The following EXOC4 variants were observed in gnomAD, a reference collection of about 807,000 sequenced individuals.
EXOC4 encodes exocyst complex component 4, also known as SEC8-like 1.
In EXOC4, 71 loss-of-function variants were observed where a neutral mutation model predicts 107.2. That is an observed-to-expected ratio of 0.66 (90% CI 0.55 to 0.81). The LOEUF (loss-of-function observed/expected upper bound fraction) is 0.81. Ranked by LOEUF, EXOC4 falls within the 30% of genes least tolerant of loss-of-function variation. The probability of loss-of-function intolerance (pLI) is 0.00; values close to 1 mark genes in which losing one functional copy is unlikely to be tolerated. For missense variants in EXOC4, 1,108 were observed against 1,189.6 expected, an observed-to-expected ratio of 0.93 and a Z score of 1.01; for synonymous variants, 456 against 441.2, an observed-to-expected ratio of 1.03 and a Z score of -0.42.
chr7:133,843,621 T>G (rs1313898264), intron 11 of EXOC4, among the ~76,000 whole-genome samples: 2 of 152,206 alleles, frequency 1.3e-5, no homozygotes, highest in African/African-American at 2.4e-5. Flanking sequence ...ACAGGAATAG[T>G]TTGACTTCCT....
chr7:133,802,628 G>A (rs1796971951), intron 10 of EXOC4, among the ~76,000 whole-genome samples: 1 of 152,028 alleles, frequency 6.6e-6, no homozygotes, highest in Admixed American at 6.6e-5. Flanking sequence ...GGAGGCTGAG[G>A]CAGGCGGATC....
chr7:133,616,968 C>G (rs887327775), intron 9 of EXOC4, among the ~76,000 whole-genome samples: 1 of 152,028 alleles, frequency 6.6e-6, no homozygotes, highest in Non-Finnish European at 1.5e-5. Flanking sequence ...ATCTGGTTGC[C>G]TTATTTTATT....
rs534274731 is a variant in EXOC4 at position 133,710,997 on chromosome 7, A to G, written c.1514+80856A>G. 1.3e-3 allele frequency among the ~76,000 whole-genome samples: 199 copies of G among 152,262 alleles called. 7 individuals carry two copies. In the South Asian group the frequency reaches 0.039, roughly 30 times the overall value. On this transcript the variant is annotated intron_variant, in intron 10 of 17. Coordinates refer to ENST00000253861, the MANE Select transcript of EXOC4 (RefSeq NM_021807.4). ...TTTGAGCACAGTATTGGTAAAGTAG[A>G]GTTCAAGGGGTGAGAGATGTGATAC...
intron 10 of EXOC4, among the ~76,000 whole-genome samples, chr7:133,679,050 T>A (rs538093197): frequency 1.3e-5 from 2 of 152,296 alleles, no homozygotes; most frequent in South Asian, 4.1e-4. Flanking sequence ...TAACTTCTGT[T>A]TTGTTAAAAT....
intron 10 of EXOC4, among the ~76,000 whole-genome samples, chr7:133,637,129 G>A (rs1254922027): frequency 6.6e-6 from 1 of 152,296 alleles, no homozygotes; most frequent in East Asian, 1.9e-4. Context: ...ACCTGGAGGA[G>A]TGAAAGGCTC....
At chr7:133,591,811 G>A (rs1482564785) in intron 9 of EXOC4, among the ~76,000 whole-genome samples, 3 of 152,060 alleles carry the variant, frequency 2.0e-5, no homozygotes, top group Non-Finnish European at 4.4e-5. Flanking sequence ...TGTAGGTTGG[G>A]GAATCAATTA....
intron 10 of EXOC4, among the ~76,000 whole-genome samples, chr7:133,704,205 C>T (rs981744046): frequency 5.3e-5 from 8 of 152,208 alleles, no homozygotes; most frequent in African/African-American, 1.7e-4. Flanking sequence ...CTCCCGTCTT[C>T]TCCCAAAGTG....
chr7:133,750,396 T>A (rs10257034), intron 10 of EXOC4, among the ~76,000 whole-genome samples: 131,719 of 151,968 alleles, frequency 0.87, 57,674 homozygotes, highest in East Asian at 0.99. Flanking sequence ...TTTTATATGG[T>A]GTTCCCTAAT....
intron 7 of EXOC4, among the ~76,000 whole-genome samples, chr7:133,435,469 T>G (rs1037774956): frequency 1.3e-5 from 2 of 152,180 alleles, no homozygotes; most frequent in South Asian, 2.1e-4. Context: ...GTGGTTAGAA[T>G]TGTGTGTAGA....
At chr7:134,061,495 C>A (rs1187729221) in intron 17 of EXOC4, among the ~76,000 whole-genome samples, 1 of 152,152 alleles carries the variant, frequency 6.6e-6, no homozygotes, top group Admixed American at 6.5e-5. Flanking sequence ...GGAATCTGCA[C>A]TTTTCATAGG....
intron 9 of EXOC4, among the ~76,000 whole-genome samples, chr7:133,491,385 T>G (rs1213565376): frequency 1.3e-5 from 2 of 152,196 alleles, no homozygotes; most frequent in Non-Finnish European, 2.9e-5. Flanking sequence ...ACATATCCTG[T>G]TCAGTTGGTT....
At chr7:133,525,567 G>C (rs1800063552) in intron 9 of EXOC4, among the ~76,000 whole-genome samples, 1 of 152,042 alleles carries the variant, frequency 6.6e-6, no homozygotes, top group Admixed American at 6.6e-5. Context: ...GACCCCTTTT[G>C]ACCTGTCAGG....
At chr7:133,435,035 G>A (rs1797938069) in intron 7 of EXOC4, among the ~76,000 whole-genome samples, 1 of 152,092 alleles carries the variant, frequency 6.6e-6, no homozygotes, top group Non-Finnish European at 1.5e-5. Flanking sequence ...ATTAAAGATT[G>A]TATTTTAACA....
downstream of EXOC4, among the ~76,000 whole-genome samples, chr7:134,066,943 G>T (rs1178783593): frequency 2.0e-5 from 3 of 152,072 alleles, no homozygotes; most frequent in Admixed American, 2.0e-4. Context: ...AGGAGGTCAG[G>T]AGTTCGAGAC....
rs1437548179 is a variant in EXOC4 at position 133,719,359 on chromosome 7, C to CTATGACA, written c.1514+89219_1514+89225dup. On this transcript the variant is annotated intron_variant, in intron 10 of 17. Coordinates refer to ENST00000253861, the MANE Select transcript of EXOC4 (RefSeq NM_021807.4). ...AGCAGCATGAAAACGAACTAATACA[C>CTATGACA]TATGACACATAGAAGAATTTTTAGG... Among the ~76,000 whole-genome samples, 25 of 152,218 alleles carry CTATGACA rather than the reference C, an allele frequency of 1.6e-4. No individual in the cohort carries two copies. The South Asian group carries it at 3.5e-3, about 21-fold the overall frequency.
chr7:134,072,781 T>A, the EXOC4 span, among the ~76,000 whole-genome samples: 1 of 152,182 alleles, frequency 6.6e-6, no homozygotes, highest in Non-Finnish European at 1.5e-5. Context: ...TGGCATGTCA[T>A]TAGTATTATA....
intron 10 of EXOC4, among the ~76,000 whole-genome samples, chr7:133,741,811 A>G (rs986509308): frequency 6.6e-6 from 1 of 152,144 alleles, no homozygotes; most frequent in Non-Finnish European, 1.5e-5. Flanking sequence ...GATGCTTTTT[A>G]TACTGTTGTA....
intron 7 of EXOC4, among the ~76,000 whole-genome samples, chr7:133,455,993 C>T (rs1798454957): frequency 2.0e-5 from 3 of 152,222 alleles, no homozygotes; most frequent in African/African-American, 7.2e-5. Context: ...AGCTGTTTGT[C>T]TCCTTCCACC....
chr7:134,066,350 C>T (rs10282007), downstream of EXOC4: 118,305 of 152,112 alleles, frequency 0.78, 46,952 homozygotes, highest in African/African-American at 0.93. Flanking sequence ...TAGTGGAAAG[C>T]TCCGCTAAAA....
Sources: gnomAD v4.1 joint callset for allele counts (sites outside exome capture counted in the v4.1 genomes callset) on GRCh38, gnomAD v4.1.1 for gene constraint, MANE v1.5 for transcripts, NCBI Gene and HGNC (gene_info 2026-07-23, HGNC 2026-07-21) for gene names.